CCDC7: variants seen among roughly 807,000 people sequenced by gnomAD.
CCDC7 encodes coiled-coil domain-containing protein 7.
In CCDC7, 183 loss-of-function variants were observed where a neutral mutation model predicts 196.9. The ratio of observed to expected loss-of-function variants is 0.93; its 90% CI spans 0.82 to 1.05. The LOEUF (loss-of-function observed/expected upper bound fraction) is 1.05, where lower values mean the gene tolerates loss of function less well. Among genes scored for constraint, CCDC7 ranks in the 50% least tolerant of loss-of-function variants. The pLI, the probability that CCDC7 is intolerant of heterozygous loss-of-function variation, is 0.00. For synonymous variants in CCDC7, 525 were observed against 484.6 expected, an observed-to-expected ratio of 1.08 and a Z score of -1.10; for missense variants, 1,540 against 1,482.2, an observed-to-expected ratio of 1.04 and a Z score of -0.64.
chr10:32,858,426 A>G (rs901561149), intron 41 of CCDC7, among the ~76,000 whole-genome samples: 1 of 152,240 alleles, frequency 6.6e-6, no homozygotes, highest in South Asian at 2.1e-4. Flanking sequence ...TTCAACAACA[A>G]CAATTAAACA....
At chr10:32,512,828 T>C (rs1290104533) in intron 9 of CCDC7, 2 of 151,918 alleles carry the variant, frequency 1.3e-5, no homozygotes, top group Admixed American at 6.6e-5. Flanking sequence ...AATTGGCCAA[T>C]AAACATTTTA....
At chr10:32,574,893 C>T (rs977962792) in intron 16 of CCDC7, among the ~76,000 whole-genome samples, 1 of 152,062 alleles carries the variant, frequency 6.6e-6, no homozygotes, top group African/African-American at 2.4e-5. Context: ...AGATGATTAG[C>T]TGTTAAATTT....
chr10:32,619,438 G>T (rs3006748), intron 18 of CCDC7, among the ~76,000 whole-genome samples: 20,981 of 151,814 alleles, frequency 0.14, 1,748 homozygotes, highest in East Asian at 0.25. Flanking sequence ...ATATAATAAT[G>T]GTAGGGAGCA....
intron 31 of CCDC7, among the ~76,000 whole-genome samples, chr10:32,819,933 C>G (rs1008777908): frequency 6.6e-6 from 1 of 152,194 alleles, no homozygotes; most frequent in African/African-American, 2.4e-5. Context: ...TCTCACCACT[C>G]CTATTCAACA....
At chr10:32,606,724 CT>C (rs2061596269) in intron 18 of CCDC7, among the ~76,000 whole-genome samples, 1 of 152,152 alleles carries the variant, frequency 6.6e-6, no homozygotes. Context: ...GAACAGAAGT[CT>C]TTACCCAATG....
intron 39 of CCDC7, among the ~76,000 whole-genome samples, chr10:32,851,378 G>A (rs2093558581): frequency 6.6e-6 from 1 of 151,938 alleles, no homozygotes; most frequent in Non-Finnish European, 1.5e-5. Context: ...GATTTATTAA[G>A]TTTCTTTTTA....
chr10:32,824,509 T>A lies in CCDC7; in HGVS notation c.3182-9T>A. 6.3e-7 allele frequency: 1 copy of A among 1,592,030 alleles called. No individual in the cohort carries two copies. The highest frequency in any genetic ancestry group is 1.1e-5 in the South Asian group (1 of 88,120). On this transcript the variant is annotated splice_polypyrimidine_tract_variant and intron_variant, in intron 31 of 41. Transcript: ENST00000639629. ...AAAAGTGTTTTGAAATCTGTTTACT[T>A]TTTTATAGAGACTGATGAACGATTG... is the stretch of plus-strand genomic sequence containing the variant.
At chr10:32,632,234 G>A (rs1294143207) in intron 18 of CCDC7, among the ~76,000 whole-genome samples, 1 of 151,420 alleles carries the variant, frequency 6.6e-6, no homozygotes. Flanking sequence ...ACTTTAGTGG[G>A]AAAGCATTAA....
intron 18 of CCDC7, among the ~76,000 whole-genome samples, chr10:32,617,498 T>A (rs1020052916): frequency 1.3e-5 from 2 of 151,804 alleles, no homozygotes; most frequent in Non-Finnish European, 3.0e-5. Flanking sequence ...TCATTTTCAT[T>A]CATTTAATAA....
chr10:32,517,132 C>G (rs1337249795), intron 9 of CCDC7, among the ~76,000 whole-genome samples: 1 of 152,116 alleles, frequency 6.6e-6, no homozygotes, highest in Non-Finnish European at 1.5e-5. Flanking sequence ...TGGAATACAG[C>G]CATACGCATT....
At chr10:32,507,085 C>G (rs538861221) in intron 9 of CCDC7, among the ~76,000 whole-genome samples, 1 of 151,352 alleles carries the variant, frequency 6.6e-6, no homozygotes, top group Non-Finnish European at 1.5e-5. Context: ...TTCTGCCTCC[C>G]GGGTTCAAGT....
intron 32 of CCDC7, among the ~76,000 whole-genome samples, chr10:32,832,374 G>A (rs1358230132): frequency 6.6e-6 from 1 of 151,922 alleles, no homozygotes; most frequent in African/African-American, 2.4e-5. Flanking sequence ...ATGGTGGTGC[G>A]GGCCTGTAAT....
chr10:32,494,894 C>G (rs2042678640), intron 9 of CCDC7, among the ~76,000 whole-genome samples: 3 of 152,118 alleles, frequency 2.0e-5, no homozygotes, highest in African/African-American at 7.2e-5. Flanking sequence ...ATTTATAATT[C>G]TTTGGGTATA....
intron 18 of CCDC7, among the ~76,000 whole-genome samples, chr10:32,624,979 C>A (rs2063811902): frequency 7.9e-6 from 1 of 126,348 alleles, no homozygotes; most frequent in Non-Finnish European, 1.7e-5. Flanking sequence ...CTTTGCTTTG[C>A]ACAAGTTTTT....
intron 28 of CCDC7, among the ~76,000 whole-genome samples, chr10:32,777,564 T>C (rs1345517420): frequency 4.6e-5 from 7 of 152,054 alleles, no homozygotes; most frequent in African/African-American, 1.2e-4. Flanking sequence ...TTTTTAATAA[T>C]AGCTATTCTG....
At chr10:32,715,920 C>T (rs1462574042) in intron 25 of CCDC7, among the ~76,000 whole-genome samples, 6 of 152,242 alleles carry the variant, frequency 3.9e-5, no homozygotes, top group African/African-American at 9.6e-5. Flanking sequence ...CCAAACTTAA[C>T]GATTCACTGG....
intron 28 of CCDC7, among the ~76,000 whole-genome samples, chr10:32,740,916 G>T (rs1316623622): frequency 1.4e-5 from 2 of 143,286 alleles, no homozygotes. Flanking sequence ...TTTGAATGAT[G>T]GCTTTCCATA....
At chr10:32,493,064 A>C (rs999433173) in intron 9 of CCDC7, among the ~76,000 whole-genome samples, 1 of 152,046 alleles carries the variant, frequency 6.6e-6, no homozygotes, top group African/African-American at 2.4e-5. Flanking sequence ...ATCCTCACAT[A>C]CATATCTTTT....
intron 18 of CCDC7, among the ~76,000 whole-genome samples, chr10:32,616,860 T>A (rs1382920895): frequency 6.6e-6 from 1 of 151,896 alleles, no homozygotes; most frequent in Non-Finnish European, 1.5e-5. Context: ...AGGATTTTTA[T>A]CATGAAGGGA....
Sources: gnomAD v4.1 joint callset for allele counts (sites outside exome capture counted in the v4.1 genomes callset) on GRCh38, gnomAD v4.1.1 for gene constraint, MANE v1.5 for transcripts, NCBI Gene and HGNC (gene_info 2026-07-23, HGNC 2026-07-21) for gene names.